Variants in GYPC observed in about 807,000 individuals in gnomAD.
The protein encoded by GYPC is glycophorin-C.
A neutral mutation model predicts 12.6 loss-of-function variants in GYPC; 14 were observed. The observed-to-expected ratio is 1.11, with a 90% confidence interval of 0.74 to 1.74. The LOEUF (loss-of-function observed/expected upper bound fraction) is 1.74, where lower values mean the gene tolerates loss of function less well. Ranked by LOEUF, GYPC falls within the 40% of genes most tolerant of loss-of-function variation. The probability of loss-of-function intolerance (pLI) is 0.00; values close to 1 mark genes in which losing one functional copy is unlikely to be tolerated. For synonymous variants in GYPC, 78 were observed against 62.1 expected (o/e 1.26, Z -1.20); for missense variants, 225 against 172.1 (o/e 1.31, Z -1.72).
intron 3 of GYPC, among the ~76,000 whole-genome samples, chr2:126,694,451 G>A (rs1376907860): frequency 6.6e-6 from 1 of 151,990 alleles, no homozygotes; most frequent in Non-Finnish European, 1.5e-5. Context: ...AACCAAGTTT[G>A]GGAGGTGCTG....
intron 1 of GYPC, among the ~76,000 whole-genome samples, chr2:126,666,696 C>T (rs1055261540): frequency 1.4e-4 from 21 of 147,548 alleles, no homozygotes; most frequent in African/African-American, 5.3e-4. Context: ...CTGCCCCCCT[C>T]CCCTCCCTCC....
chr2:126,686,492 A>G (rs1683294175), intron 1 of GYPC: 1 of 985,456 alleles, frequency 1.0e-6, no homozygotes, highest in Non-Finnish European at 1.2e-6. Context: ...CTCCACAAAG[A>G]TGAGCATAGT....
chr2:126,696,286 G>A lies in GYPC; in HGVS notation c.*144G>A. The A allele has an allele frequency of 1.4e-6, 1 of 728,882 alleles. No homozygotes were observed. Among genetic ancestry groups the A allele is most frequent in the Non-Finnish European group, 2.4e-6 (1 of 409,100 alleles). The allele number at this position is 728,882 out of a possible 1,614,324, so 45.2% of individuals were successfully genotyped here. A position where few individuals can be genotyped will look rare whatever the true frequency, so the allele number is the denominator to read the frequency against. On this transcript the variant is annotated 3_prime_UTR_variant, in exon 4 of 4. Transcript: ENST00000259254. ...CCGAGATAGCCACCTGGAAACACTA[G>A]GTGCCTGCCCAGGGAGGAACGGAGG...
intron 1 of GYPC, among the ~76,000 whole-genome samples, chr2:126,687,473 C>A (rs538116440): frequency 6.6e-6 from 1 of 152,282 alleles, no homozygotes; most frequent in African/African-American, 2.4e-5. Context: ...TCACAGCATC[C>A]ACACCTTCCC....
At chr2:126,665,858 A>T (rs1420708645) in intron 1 of GYPC, among the ~76,000 whole-genome samples, 1 of 152,172 alleles carries the variant, frequency 6.6e-6, no homozygotes, top group Non-Finnish European at 1.5e-5. Context: ...AGGCTCAAAG[A>T]GGTGATTTCC....
chr2:126,679,172 C>T (rs895328026), intron 1 of GYPC, among the ~76,000 whole-genome samples: 10 of 152,170 alleles, frequency 6.6e-5, no homozygotes, highest in South Asian at 2.1e-4. Flanking sequence ...GCAGGTACCT[C>T]GAAGGGCACC....
intron 1 of GYPC, chr2:126,686,486 A>T (rs552742616): frequency 1.0e-6 from 1 of 985,444 alleles, no homozygotes; most frequent in South Asian, 4.7e-5. Flanking sequence ...TCCCAACTCC[A>T]CAAAGATGAG....
chr2:126,690,741 C>A (rs1488867474), intron 2 of GYPC, among the ~76,000 whole-genome samples: 1 of 152,054 alleles, frequency 6.6e-6, no homozygotes, highest in South Asian at 2.1e-4. Context: ...GGGTCCATGA[C>A]CCCCAACCCT....
chr2:126,662,281 A>G (rs1334568703), intron 1 of GYPC, among the ~76,000 whole-genome samples: 2 of 152,230 alleles, frequency 1.3e-5, no homozygotes, highest in African/African-American at 4.8e-5. Context: ...ACCGGGCAAC[A>G]GGGGCCCATT....
chr2:126,685,685 G>A (rs1683269416), intron 1 of GYPC: 1 of 706,832 alleles, frequency 1.4e-6, no homozygotes, highest in African/African-American at 1.9e-5. Context: ...ACCCGGCCTG[G>A]TAAATTGACT....
chr2:126,672,617 G>A (rs533963084), intron 1 of GYPC, among the ~76,000 whole-genome samples: 4 of 152,150 alleles, frequency 2.6e-5, no homozygotes, highest in African/African-American at 4.8e-5. Flanking sequence ...CCCCTCAACC[G>A]CAGCTCTGGG....
chr2:126,681,651 C>A (rs1361269126), intron 1 of GYPC, among the ~76,000 whole-genome samples: 3 of 151,990 alleles, frequency 2.0e-5, no homozygotes, highest in African/African-American at 7.3e-5. Context: ...CTGTGTACCA[C>A]AAACTAGCTT....
At chr2:126,692,129 C>T (rs2176428) in intron 2 of GYPC, among the ~76,000 whole-genome samples, 95,891 of 152,060 alleles carry the variant, frequency 0.63, 31,288 homozygotes, top group African/African-American at 0.8. Flanking sequence ...GAACTTGCTA[C>T]GGCCCTTGCT....
intron 1 of GYPC, among the ~76,000 whole-genome samples, chr2:126,660,341 G>A (rs1295397350): frequency 6.6e-6 from 1 of 152,214 alleles, no homozygotes; most frequent in South Asian, 2.1e-4. Flanking sequence ...CAGCTGGCTC[G>A]GGGTGGCCCT....
intron 2 of GYPC, among the ~76,000 whole-genome samples, chr2:126,691,877 T>G (rs1433998031): frequency 6.6e-6 from 1 of 152,172 alleles, no homozygotes; most frequent in African/African-American, 2.4e-5. Flanking sequence ...AGGGCAGTTC[T>G]GGGTATTTGA....
rs1298895329 is a variant in GYPC, at chr2:126,693,928, G to C, written c.171G>C (p.Met57Ile). ...GRMETSTPTI[M>I]DIVVIAGVIA... is the part of the protein sequence containing the mutation. ...TGGAGACCTCCACCCCCACCATAAT[G>C]GACATTGTCGTCATTGCAGGTGAGC... Residue 57 changes from methionine to isoleucine, a missense_variant, in exon 3 of 4, where the codon ATG becomes ATC. Coordinates refer to ENST00000259254, the MANE Select transcript of GYPC (RefSeq NM_002101.5). 3 of 1,610,316 alleles carry C rather than the reference G, an allele frequency of 1.9e-6. No homozygotes were observed. The highest frequency in any genetic ancestry group is 2.5e-6 in the Non-Finnish European group (3 of 1,176,592).
chr2:126,691,257 A>C (rs879393085), intron 2 of GYPC, among the ~76,000 whole-genome samples: 3 of 152,110 alleles, frequency 2.0e-5, no homozygotes, highest in Admixed American at 6.6e-5. Flanking sequence ...AAATGCCCAA[A>C]CTCAAAACAC....
At chr2:126,686,096 C>T in intron 1 of GYPC, 6 of 985,254 alleles carry the variant, frequency 6.1e-6, no homozygotes, top group African/African-American at 1.7e-5. Flanking sequence ...ATGTAAAGAC[C>T]AGCCCACGCA....
At chr2:126,666,775 A>AT in intron 1 of GYPC, among the ~76,000 whole-genome samples, 1 of 149,956 alleles carries the variant, frequency 6.7e-6, no homozygotes, top group East Asian at 2.0e-4. Flanking sequence ...GCACACACAC[A>AT]AGCACACACA....
Sources: gnomAD v4.1 joint callset for allele counts (sites outside exome capture counted in the v4.1 genomes callset) on GRCh38, gnomAD v4.1.1 for gene constraint, MANE v1.5 for transcripts, NCBI Gene and HGNC (gene_info 2026-07-23, HGNC 2026-07-21) for gene names.